NREP: variants seen among roughly 807,000 people sequenced by gnomAD.
NREP encodes neuronal regeneration-related protein.
Under a neutral mutation model 8.6 loss-of-function variants are expected in NREP, and 5 were observed. That is an observed-to-expected ratio of 0.58 (90% CI 0.30 to 1.22). The LOEUF is 1.22. NREP is among the 50% of genes most tolerant of loss of function. The pLI is 0.07. For missense variants in NREP, 86 were observed against 82.5 expected, an observed-to-expected ratio of 1.04 and a Z score of -0.17; for synonymous variants, 27 against 28.0, an observed-to-expected ratio of 0.96 and a Z score of 0.11.
intron 2 of NREP, chr5:111,846,445 T>TTTTTTTTTTTTTA (rs1753176561): frequency 1.0e-5 from 1 of 97,406 alleles, no homozygotes; most frequent in African/African-American, 4.1e-5. Flanking sequence ...TTTTTTTTTT[T>TTTTTTTTTTTTTA]GTCTAAAGGT....
intron 1 of NREP, chr5:111,756,320 C>CCTCCGG: frequency 3.3e-5 from 1 of 30,650 alleles, no homozygotes; most frequent in Non-Finnish European, 5.9e-5. Context: ...AAACCCTACA[C>CCTCCGG]GGCGGGGGGG....
chr5:111,927,307 C>A (rs1017617767), intron 2 of NREP, among the ~76,000 whole-genome samples: 6 of 152,040 alleles, frequency 3.9e-5, no homozygotes, highest in Non-Finnish European at 7.4e-5. Flanking sequence ...GCTCAGCATC[C>A]AATCAAGACT....
At chr5:111,802,505 A>G (rs1350049745) in intron 2 of NREP, among the ~76,000 whole-genome samples, 1 of 152,160 alleles carries the variant, frequency 6.6e-6, no homozygotes, top group Non-Finnish European at 1.5e-5. Flanking sequence ...GGAAAGACAG[A>G]GTGTACATAC....
rs1293546774 is a variant in NREP, at chr5:111,884,068, G to C, written c.135+91206C>G. Reference sequence around the variant, plus strand: ...TTTGAAAGGATCAACAAAACTGATAGACCACTAGGAAGACCAATAAAGAAG... The same window carrying C: ...TTTGAAAGGATCAACAAAACTGATACACCACTAGGAAGACCAATAAAGAAG... On this transcript the variant is annotated intron_variant, in intron 2 of 3. Coordinates refer to the NREP transcript ENST00000395634. Among the ~76,000 whole-genome samples the C allele has an allele frequency of 4.6e-5, 7 of 152,256 alleles. No individual in the cohort carries two copies. The East Asian group carries it at 1.4e-3, about 29-fold the overall frequency.
upstream of NREP, chr5:111,757,764 TTCC>T: frequency 1.0e-6 from 1 of 975,610 alleles, no homozygotes; most frequent in South Asian, 4.7e-5. Flanking sequence ...ATCCCCGGCC[TTCC>T]TCCCCGCCCC....
chr5:111,782,443 A>G (rs1415061843), intron 2 of NREP, among the ~76,000 whole-genome samples: 1 of 152,224 alleles, frequency 6.6e-6, no homozygotes, highest in Non-Finnish European at 1.5e-5. Flanking sequence ...ATGTGATCAT[A>G]TATTCTGCCA....
chr5:111,872,648 G>T (rs1025836199), intron 2 of NREP, among the ~76,000 whole-genome samples: 1 of 152,052 alleles, frequency 6.6e-6, no homozygotes, highest in Non-Finnish European at 1.5e-5. Context: ...TTTTGTACAA[G>T]GTATGGTTAG....
At chr5:111,813,363 G>A (rs1324710349) in intron 2 of NREP, among the ~76,000 whole-genome samples, 2 of 152,108 alleles carry the variant, frequency 1.3e-5, no homozygotes, top group East Asian at 3.8e-4. Flanking sequence ...TTTCCAAAAT[G>A]AGCTATCTTC....
At chr5:111,814,020 C>T (rs897274955) in intron 2 of NREP, among the ~76,000 whole-genome samples, 10 of 151,880 alleles carry the variant, frequency 6.6e-5, no homozygotes, top group African/African-American at 2.4e-4. Flanking sequence ...CTTTCTCAAA[C>T]ATTTGTATAG....
intron 2 of NREP, among the ~76,000 whole-genome samples, chr5:111,946,273 C>T (rs1323236651): frequency 6.6e-6 from 1 of 151,666 alleles, no homozygotes; most frequent in Non-Finnish European, 1.5e-5. Flanking sequence ...CCACCAGCTG[C>T]TCCCAAAAAA....
intron 2 of NREP, among the ~76,000 whole-genome samples, chr5:111,924,826 G>T (rs1286629843): frequency 6.6e-6 from 1 of 152,114 alleles, no homozygotes; most frequent in African/African-American, 2.4e-5. Flanking sequence ...CCCCTGGCTT[G>T]CTCACACCTC....
intron 2 of NREP, among the ~76,000 whole-genome samples, chr5:111,747,094 T>C (rs1343711690): frequency 6.6e-6 from 1 of 152,134 alleles, no homozygotes; most frequent in Non-Finnish European, 1.5e-5. Flanking sequence ...CTAGGATGAC[T>C]GAGTGGGAGG....
chr5:111,874,956 TG>T (rs1378001370), intron 2 of NREP, among the ~76,000 whole-genome samples: 51 of 152,284 alleles, frequency 3.3e-4, no homozygotes, highest in African/African-American at 1.2e-3. Context: ...GACTCCAAAC[TG>T]TTAAGATGCA....
intron 2 of NREP, among the ~76,000 whole-genome samples, chr5:111,776,056 G>C (rs1427805807): frequency 6.6e-6 from 1 of 152,128 alleles, no homozygotes; most frequent in Non-Finnish European, 1.5e-5. Context: ...ATGATTTACT[G>C]TCAGTAAGTA....
intron 2 of NREP, among the ~76,000 whole-genome samples, chr5:111,939,655 A>G (rs539742622): frequency 5.3e-5 from 8 of 152,166 alleles, no homozygotes; most frequent in African/African-American, 1.4e-4. Context: ...TACCGTAAAC[A>G]AGTGTCCTTT....
At chr5:111,924,022 A>G (rs1368631526) in intron 2 of NREP, among the ~76,000 whole-genome samples, 1 of 152,116 alleles carries the variant, frequency 6.6e-6, no homozygotes, top group East Asian at 1.9e-4. Context: ...GCAAAATCCT[A>G]TAATGCCCAA....
chr5:111,924,031 A>C (rs1407798311), intron 2 of NREP, among the ~76,000 whole-genome samples: 2 of 152,158 alleles, frequency 1.3e-5, no homozygotes, highest in Non-Finnish European at 2.9e-5. Flanking sequence ...TATAATGCCC[A>C]AAAATCCTCT....
At chr5:111,879,383 T>C (rs1753990782) in intron 2 of NREP, among the ~76,000 whole-genome samples, 1 of 152,218 alleles carries the variant, frequency 6.6e-6, no homozygotes, top group South Asian at 2.1e-4. Flanking sequence ...CTCATGAAGC[T>C]TGCATTCTAA....
chr5:111,817,180 T>A (rs1467487603), intron 2 of NREP, among the ~76,000 whole-genome samples: 1 of 152,212 alleles, frequency 6.6e-6, no homozygotes, highest in Non-Finnish European at 1.5e-5. Flanking sequence ...TCTGTACATT[T>A]TTTATTGTTT....
Sources: gnomAD v4.1 joint callset for allele counts (sites outside exome capture counted in the v4.1 genomes callset) on GRCh38, gnomAD v4.1.1 for gene constraint, MANE v1.5 for transcripts, NCBI Gene and HGNC (gene_info 2026-07-23, HGNC 2026-07-21) for gene names.